Variants in POFUT2 observed in about 807,000 individuals in gnomAD.
The protein encoded by POFUT2 is protein O-fucosyltransferase 2.
A neutral mutation model predicts 55.0 loss-of-function variants in POFUT2; 30 were observed. The observed-to-expected ratio is 0.55, with a 90% CI of 0.41 to 0.74. The LOEUF (loss-of-function observed/expected upper bound fraction) is 0.74, where lower values mean the gene tolerates loss of function less well. Among genes scored for constraint, POFUT2 ranks in the 30% least tolerant of loss-of-function variants. POFUT2 has a pLI of 0.00. For missense variants in POFUT2, 524 were observed against 562.6 expected, an observed-to-expected ratio of 0.93 and a Z score of 0.69; for synonymous variants, 267 against 231.1, an observed-to-expected ratio of 1.16 and a Z score of -1.41.
chr21:45,265,872 C>G lies in POFUT2; in HGVS notation c.1137-237G>C. 2 of 1,368,004 alleles carry G rather than the reference C, an allele frequency of 1.5e-6. No individual in the cohort carries two copies. Among genetic ancestry groups the G allele is most frequent in the Non-Finnish European group, 1.9e-6 (2 of 1,056,420 alleles). The allele number at this position is 1,368,004 out of a possible 1,614,324, so 84.7% of individuals were successfully genotyped here. A position where few individuals can be genotyped will look rare whatever the true frequency, so the allele number is the denominator to read the frequency against. On this transcript the variant is annotated intron_variant, in intron 8 of 8. Transcript: ENST00000349485. The surrounding 1 kb of genome is among the most constrained non-coding windows in gnomAD (Gnocchi z 4.6). ...GCCTGGTGCTGCAGCCCCATCCACACCCCACAGTCAGCAGCCGCCACGCTC... is the reference window on the plus strand; with the variant it reads ...GCCTGGTGCTGCAGCCCCATCCACAGCCCACAGTCAGCAGCCGCCACGCTC...
rs1238762846 is a variant in POFUT2 at position 45,270,788 on chromosome 21, C to A, written c.832-769G>T. Reference sequence around the variant, plus strand: ...GGTAGCCCCACTGGGTGGCTAGACCCAGAAGAGCAATAACAATCACTGCAG... The same window carrying A: ...GGTAGCCCCACTGGGTGGCTAGACCAAGAAGAGCAATAACAATCACTGCAG... On this transcript the variant is annotated intron_variant, in intron 6 of 8. Coordinates refer to ENST00000349485, the MANE Select transcript of POFUT2 (RefSeq NM_133635.6). This position sits in a 1 kb window ranked among gnomAD's most constrained non-coding sequence, Gnocchi z 4.6. 6.6e-6 allele frequency among the ~76,000 whole-genome samples: 1 copy of A among 152,210 alleles called. No individual in the cohort carries two copies. The highest frequency in any genetic ancestry group is 2.4e-5 in the African/African-American group (1 of 41,450).
Position 45,281,577 on chromosome 21 carries a change from G to C in POFUT2, c.638+772C>G, listed in dbSNP as rs1413883527. 6.6e-6 allele frequency among the ~76,000 whole-genome samples: 1 copy of C among 152,156 alleles called. No individual in the cohort carries two copies. The highest frequency in any genetic ancestry group is 1.5e-5 in the Non-Finnish European group (1 of 68,030). On this transcript the variant is annotated intron_variant, in intron 4 of 8. Coordinates refer to ENST00000349485, the MANE Select transcript of POFUT2 (RefSeq NM_133635.6). This position sits in a 1 kb window ranked among gnomAD's most constrained non-coding sequence, Gnocchi z 5.0. ...TGACCAGGGTGATACCGAGCCAGCT[G>C]TGATGTGCAACAGGATCGTGGCTGA...
At chr21:45,266,574 G>A in intron 8 of POFUT2, 1 of 1,069,792 alleles carries the variant, frequency 9.3e-7, no homozygotes, top group South Asian at 2.6e-5. Flanking sequence ...AGAAGCAGGG[G>A]TGAGTTCGTA....
chr21:45,273,725 T>C (rs1309158896), intron 6 of POFUT2, among the ~76,000 whole-genome samples: 5 of 152,186 alleles, frequency 3.3e-5, no homozygotes, highest in Non-Finnish European at 7.3e-5. Flanking sequence ...ATATGATCAT[T>C]TCAATAGATG....
intron 8 of POFUT2, chr21:45,266,613 C>G: frequency 9.8e-7 from 1 of 1,022,836 alleles, no homozygotes; most frequent in Non-Finnish European, 1.2e-6. Flanking sequence ...TCCGCCCTGA[C>G]CTAAGAAGTC....
Position 45,277,313 on chromosome 21 carries a change from G to C in POFUT2, c.706-171C>G. 4.7e-6 allele frequency: 4 copies of C among 855,426 alleles called. No individual in the cohort carries two copies. Among genetic ancestry groups the C allele is most frequent in the Non-Finnish European group, 7.0e-6 (4 of 574,606 alleles). The allele number at this position is 855,426 out of a possible 1,614,324, so 53.0% of individuals were successfully genotyped here. ...GCGCCATCCACGGTGGAGGCTCTTG[G>C]AGGGTCTCCTGCATGAAGCCAACGC... is the stretch of plus-strand genomic sequence containing the variant. On this transcript the variant is annotated intron_variant, in intron 5 of 8. Transcript: ENST00000349485. The surrounding 1 kb of genome is among the most constrained non-coding windows in gnomAD (Gnocchi z 6.9).
chr21:45,264,291 G>A lies in POFUT2; in HGVS notation c.*1191C>T, dbSNP rs1211692819. On this transcript the variant is annotated 3_prime_UTR_variant, in exon 9 of 9. Transcript: ENST00000349485. Reference sequence around the variant, plus strand: ...ATGTGGAAAGTGGCTGCTCAGTGAGGACTCAGCCCCCACCAACCTGACTGA... The same window carrying A: ...ATGTGGAAAGTGGCTGCTCAGTGAGAACTCAGCCCCCACCAACCTGACTGA... 1 of 152,200 alleles carries A rather than the reference G, an allele frequency of 6.6e-6. No homozygotes were observed. Among genetic ancestry groups the A allele is most frequent in the Non-Finnish European group, 1.5e-5 (1 of 68,056 alleles). The allele number at this position is 152,200 out of a possible 1,614,324, so 9.4% of individuals were successfully genotyped here. A position where few individuals can be genotyped will look rare whatever the true frequency, so the allele number is the denominator to read the frequency against.
In POFUT2 at chr21:45,267,147, G is replaced by A; in HGVS notation, c.1136+443C>T. On this transcript the variant is annotated intron_variant, in intron 8 of 8. Coordinates refer to ENST00000349485, the MANE Select transcript of POFUT2 (RefSeq NM_133635.6). This position sits in a 1 kb window ranked among gnomAD's most constrained non-coding sequence, Gnocchi z 4.4. ...TGCTCCCAGCCTTGGGGACGCTCAT[G>A]GCAGCCCCACGAGAATGATCACACG... is the stretch of plus-strand genomic sequence containing the variant. 7.9e-7 allele frequency: 1 copy of A among 1,259,588 alleles called. No homozygotes were observed. Among genetic ancestry groups the A allele is most frequent in the East Asian group, 4.1e-5 (1 of 24,408 alleles). 78.0% of individuals were successfully genotyped at this position (1,259,588 alleles called of 1,614,324 possible).
At position 45,282,930 on chromosome 21, in the gene POFUT2, C is replaced by T; in HGVS notation, c.527+453G>A. 2.1e-6 allele frequency: 1 copy of T among 473,392 alleles called. No homozygotes were observed. The highest frequency in any genetic ancestry group is 2.0e-5 in the African/African-American group (1 of 50,302). The allele number at this position is 473,392 out of a possible 1,614,324, so 29.3% of individuals were successfully genotyped here. A position where few individuals can be genotyped will look rare whatever the true frequency, so the allele number is the denominator to read the frequency against. ...CAATCGACACTTGGGACTGACAAGA[C>T]CTCCATCCCTGTGGCAACATCCAAA... On this transcript the variant is annotated intron_variant, in intron 3 of 8. Coordinates refer to ENST00000349485, the MANE Select transcript of POFUT2 (RefSeq NM_133635.6). This position sits in a 1 kb window ranked among gnomAD's most constrained non-coding sequence, Gnocchi z 4.6.
intron 6 of POFUT2, among the ~76,000 whole-genome samples, chr21:45,273,361 T>TAACA (rs1458959093): frequency 6.6e-6 from 1 of 152,026 alleles, no homozygotes; most frequent in Non-Finnish European, 1.5e-5. Context: ...AACAGACCAA[T>TAACA]AACAAGTAGT....
At chr21:45,283,182 G>C (rs749849125) in intron 3 of POFUT2, among the ~76,000 whole-genome samples, 7 of 148,880 alleles carry the variant, frequency 4.7e-5, no homozygotes, top group African/African-American at 2.5e-5. Context: ...AGGGCACTGC[G>C]GGGGAGGCGG....
chr21:45,277,153 G>A lies in POFUT2; in HGVS notation c.706-11C>T, dbSNP rs200121574. The A allele has an allele frequency of 6.8e-6, 11 of 1,611,428 alleles. No individual in the cohort carries two copies. The highest frequency in any genetic ancestry group is 2.2e-5 in the East Asian group (1 of 44,850). On this transcript the variant is annotated splice_polypyrimidine_tract_variant and intron_variant, in intron 5 of 8. Transcript: ENST00000349485. The surrounding 1 kb of genome is among the most constrained non-coding windows in gnomAD (Gnocchi z 6.9). ...CATGCTGCGACGGGTCTGTGGAAACGGCGACGGCTCGGCTGAGAACACGCC... is the reference window on the plus strand; with the variant it reads ...CATGCTGCGACGGGTCTGTGGAAACAGCGACGGCTCGGCTGAGAACACGCC...
In POFUT2 at chr21:45,267,566, GC is replaced by G; in HGVS notation, c.1136+23del. ...TTGAAAGCCACCCGACCCGCTCTCG[GC>G]CGACAGTGACGTGGGCAGGCACCTG... On this transcript the variant is annotated intron_variant, in intron 8 of 8. Transcript: ENST00000349485. This position sits in a 1 kb window ranked among gnomAD's most constrained non-coding sequence, Gnocchi z 4.4. 6.2e-7 allele frequency: 1 copy of G among 1,614,118 alleles called. No homozygotes were observed.
chr21:45,265,388 G>A lies in POFUT2; in HGVS notation c.*94C>T, dbSNP rs980932770. ...TGCGAGGGACGGTCCTGTCCGCCCA[G>A]CTCCCGGCTGGCAGTAGACGGTGAC... On this transcript the variant is annotated 3_prime_UTR_variant, in exon 9 of 9. Transcript: ENST00000349485. This position sits in a 1 kb window ranked among gnomAD's most constrained non-coding sequence, Gnocchi z 4.6. 10 of 1,199,598 alleles carry A rather than the reference G, an allele frequency of 8.3e-6. No homozygotes were observed. Among genetic ancestry groups the A allele is most frequent in the Admixed American group, 2.2e-5 (1 of 45,692 alleles). The allele number at this position is 1,199,598 out of a possible 1,614,324, so 74.3% of individuals were successfully genotyped here.
chr21:45,279,458 A>AT (rs2030312482), intron 4 of POFUT2, among the ~76,000 whole-genome samples: 1 of 152,252 alleles, frequency 6.6e-6, no homozygotes, highest in Admixed American at 6.5e-5. Flanking sequence ...AATGAGCAAC[A>AT]TATCTAAGTT....
rs918444929 is a variant in POFUT2, at chr21:45,270,593, G to A, written c.832-574C>T. On this transcript the variant is annotated intron_variant, in intron 6 of 8. Coordinates refer to ENST00000349485, the MANE Select transcript of POFUT2 (RefSeq NM_133635.6). The surrounding 1 kb of genome is among the most constrained non-coding windows in gnomAD (Gnocchi z 4.6). The stretch of plus-strand genomic sequence containing the variant: ...CTTCACTGCAGCATAACCAGCATTC[G>A]AGAAAGCCAGTGCACTCAACAAAAC... 2.0e-5 allele frequency among the ~76,000 whole-genome samples: 3 copies of A among 152,198 alleles called. No individual in the cohort carries two copies. Among genetic ancestry groups the A allele is most frequent in the African/African-American group, 4.8e-5 (2 of 41,456 alleles).
rs907901810 is a variant in POFUT2, at chr21:45,277,472, C to T, written c.706-330G>A. The T allele has an allele frequency of 8.4e-5, 29 of 344,096 alleles. No individual in the cohort carries two copies. Among genetic ancestry groups the T allele is most frequent in the African/African-American group, 4.2e-4 (20 of 47,664 alleles). The allele number at this position is 344,096 out of a possible 1,614,324, so 21.3% of individuals were successfully genotyped here. On this transcript the variant is annotated intron_variant, in intron 5 of 8. Coordinates refer to ENST00000349485, the MANE Select transcript of POFUT2 (RefSeq NM_133635.6). The surrounding 1 kb of genome is among the most constrained non-coding windows in gnomAD (Gnocchi z 6.9). ...CTCCTTCCCCTCAGTCTCTCCCCAA[C>T]TCGACTTCTAGCTTAGGCGGTTAGC...
At position 45,270,912 on chromosome 21, in the gene POFUT2, A is replaced by C. The variant is rs1288068878; in HGVS notation, c.832-893T>G. Among the ~76,000 whole-genome samples the C allele has an allele frequency of 6.6e-6, 1 of 152,232 alleles. No homozygotes were observed. The highest frequency in any genetic ancestry group is 1.9e-4 in the East Asian group (1 of 5,196). On this transcript the variant is annotated intron_variant, in intron 6 of 8. Transcript: ENST00000349485. This position sits in a 1 kb window ranked among gnomAD's most constrained non-coding sequence, Gnocchi z 4.6. ...CTGAACAGTAGCCCGTGAGTTCCAG[A>C]TCTTTCCACTGAAGTAGTCTGCCCA...
At position 45,285,243 on chromosome 21, in the gene POFUT2, G is replaced by T; in HGVS notation, c.382+435C>A. The T allele has an allele frequency of 4.8e-6, 1 of 206,836 alleles. No homozygotes were observed. The highest frequency in any genetic ancestry group is 1.0e-5 in the Non-Finnish European group (1 of 99,342). The allele number at this position is 206,836 out of a possible 1,614,324, so 12.8% of individuals were successfully genotyped here. The stretch of plus-strand genomic sequence containing the variant: ...TCTTAAAATTAACTGAAAAGATTAA[G>T]CAACACAAAATTAAACGAGACAGAC... On this transcript the variant is annotated intron_variant, in intron 2 of 8. Transcript: ENST00000349485. This position sits in a 1 kb window ranked among gnomAD's most constrained non-coding sequence, Gnocchi z 4.9.
Sources: allele counts gnomAD v4.1 joint callset (sites outside exome capture counted in the v4.1 genomes callset), GRCh38; gene constraint gnomAD v4.1.1; non-coding constraint Gnocchi (gnomAD v3.1); transcripts MANE v1.5; gene names NCBI Gene and HGNC (gene_info 2026-07-23, HGNC 2026-07-21).